NIBAN1: variants seen among roughly 807,000 people sequenced by gnomAD.
The protein encoded by NIBAN1 is protein Niban 1.
Under a neutral mutation model 75.1 loss-of-function variants are expected in NIBAN1, and 81 were observed. The observed-to-expected ratio is 1.08, with a 90% CI of 0.90 to 1.30. The LOEUF (loss-of-function observed/expected upper bound fraction) is 1.30, where lower values mean the gene tolerates loss of function less well. Among genes scored for constraint, NIBAN1 ranks in the 50% most tolerant of loss-of-function variants. The probability of loss-of-function intolerance (pLI) is 0.00; values close to 1 mark genes in which losing one functional copy is unlikely to be tolerated. For synonymous variants in NIBAN1, 436 were observed against 424.8 expected (o/e 1.03, Z -0.32); for missense variants, 1,133 against 1,128.1 (o/e 1.00, Z -0.06).
At chr1:184,949,976 T>C (rs1658321527) in intron 1 of NIBAN1, among the ~76,000 whole-genome samples, 1 of 152,190 alleles carries the variant, frequency 6.6e-6, no homozygotes, top group Non-Finnish European at 1.5e-5. Context: ...ATCATTATTA[T>C]TGAATGGATG....
intron 2 of NIBAN1, among the ~76,000 whole-genome samples, chr1:184,896,754 T>C (rs1267899463): frequency 1.3e-5 from 2 of 152,222 alleles, no homozygotes; most frequent in Non-Finnish European, 2.9e-5. Context: ...TTCATTCTTC[T>C]GCATATGACT....
At chr1:184,910,764 G>A (rs1259705217) in intron 1 of NIBAN1, among the ~76,000 whole-genome samples, 1 of 152,144 alleles carries the variant, frequency 6.6e-6, no homozygotes, top group African/African-American at 2.4e-5. Context: ...TTGAACGGGT[G>A]GACTGAGTAA....
chr1:184,878,465 C>T (rs1277501286), intron 5 of NIBAN1, among the ~76,000 whole-genome samples: 4 of 152,176 alleles, frequency 2.6e-5, no homozygotes, highest in Non-Finnish European at 5.9e-5. Context: ...TTAAACTACA[C>T]TAAACCAGTA....
chr1:184,917,756 CG>C (rs1657432780), intron 1 of NIBAN1, among the ~76,000 whole-genome samples: 1 of 152,012 alleles, frequency 6.6e-6, no homozygotes, highest in Admixed American at 6.6e-5. Flanking sequence ...TCCTTTTTCT[CG>C]GATTGCCATT....
chr1:184,893,530 C>T (rs183843975), intron 3 of NIBAN1, among the ~76,000 whole-genome samples: 6 of 152,134 alleles, frequency 3.9e-5, no homozygotes, highest in Non-Finnish European at 8.8e-5. Context: ...AAAATACCTC[C>T]ATGGAAATAA....
intron 1 of NIBAN1, among the ~76,000 whole-genome samples, chr1:184,927,975 G>T (rs1000413117): frequency 6.6e-6 from 1 of 152,010 alleles, no homozygotes; most frequent in Non-Finnish European, 1.5e-5. Flanking sequence ...ATCCAGCACA[G>T]CTCTGAGTCT....
chr1:184,795,144 C>T lies in NIBAN1; in HGVS notation c.2620G>A (p.Ala874Thr). Residue 874 changes from alanine to threonine, a missense_variant, in exon 14 of 14, where the codon GCC (alanine) becomes ACC (threonine). By Grantham distance (58) the Ala-to-Thr change is moderately conservative. Transcript: ENST00000367511. ...EMGGQSSAAQATASVNAEEIK... is the reference protein window; with the variant it reads ...EMGGQSSAAQTTASVNAEEIK... The stretch of plus-strand genomic sequence containing the variant: ...TCCTCTGCATTCACACTGGCCGTGG[C>T]CTGGGCCGCGCTGCTTTGCCCTCCC... The T allele has an allele frequency of 1.2e-6, 2 of 1,614,174 alleles. No homozygotes were observed. Among genetic ancestry groups the T allele is most frequent in the Non-Finnish European group, 1.7e-6 (2 of 1,180,050 alleles).
intron 5 of NIBAN1, among the ~76,000 whole-genome samples, chr1:184,870,693 T>C (rs1008988145): frequency 4.6e-5 from 7 of 152,168 alleles, no homozygotes; most frequent in Non-Finnish European, 7.3e-5. Flanking sequence ...ACTGCCTTAG[T>C]GACAGTTAAC....
At chr1:184,877,910 A>T in intron 5 of NIBAN1, among the ~76,000 whole-genome samples, 1 of 148,828 alleles carries the variant, frequency 6.7e-6, no homozygotes, top group South Asian at 2.1e-4. Context: ...CGAACAAAAC[A>T]ATTTTTTTTT....
At chr1:184,960,116 T>C (rs1035318003) in intron 1 of NIBAN1, among the ~76,000 whole-genome samples, 1 of 152,220 alleles carries the variant, frequency 6.6e-6, no homozygotes, top group African/African-American at 2.4e-5. Flanking sequence ...AGACAAGTTT[T>C]ATAAGCAACT....
intron 1 of NIBAN1, among the ~76,000 whole-genome samples, chr1:184,968,806 C>G (rs545057135): frequency 6.6e-6 from 1 of 152,192 alleles, no homozygotes; most frequent in Admixed American, 6.5e-5. Context: ...TTCTTTCTTT[C>G]TTTCTTTCTT....
chr1:184,899,355 T>C (rs773868433), intron 1 of NIBAN1, 46 bp from the exon 2 acceptor site: 15 of 1,593,152 alleles, frequency 9.4e-6, no homozygotes, highest in East Asian at 2.3e-5. Context: ...GCACAGAATA[T>C]ACACCTATCT....
chr1:184,971,959 T>G (rs1658947980), intron 1 of NIBAN1, among the ~76,000 whole-genome samples: 1 of 152,218 alleles, frequency 6.6e-6, no homozygotes, highest in Admixed American at 6.5e-5. Context: ...ACAATGTATT[T>G]TCAAAACATC....
At chr1:184,799,547 G>T (rs1220766125) in intron 12 of NIBAN1, among the ~76,000 whole-genome samples, 1 of 143,610 alleles carries the variant, frequency 7.0e-6, no homozygotes, top group Non-Finnish European at 1.5e-5. Flanking sequence ...TAGTCCTTTG[G>T]GTATATACCC....
In NIBAN1 at chr1:184,859,617, C is replaced by T. The variant is rs187461081; in HGVS notation, c.601+25016G>A. On this transcript the variant is annotated intron_variant, in intron 5 of 13. Transcript: ENST00000367511. ...GCAGAAGCAGAATATATCCCACTAC[C>T]TGATTTCTGTTGTAAGAGTTCTGAT... is the stretch of plus-strand genomic sequence containing the variant. 5.9e-5 allele frequency among the ~76,000 whole-genome samples: 9 copies of T among 152,280 alleles called. No homozygotes were observed. The East Asian group carries it at 1.5e-3, about 26-fold the overall frequency.
At chr1:184,829,464 C>CT (rs34475915) in intron 6 of NIBAN1, among the ~76,000 whole-genome samples, 76,748 of 128,796 alleles carry the variant, frequency 0.6, 24,755 homozygotes, top group Middle Eastern at 0.73. Context: ...TACATATATT[C>CT]TTTTTTTTTT....
At chr1:184,952,987 C>T (rs758356162) in intron 1 of NIBAN1, among the ~76,000 whole-genome samples, 1 of 152,178 alleles carries the variant, frequency 6.6e-6, no homozygotes, top group Non-Finnish European at 1.5e-5. Flanking sequence ...TTCCAACTGG[C>T]TCCAGGAATG....
At chr1:184,907,649 A>G (rs1388149044) in intron 1 of NIBAN1, among the ~76,000 whole-genome samples, 1 of 152,226 alleles carries the variant, frequency 6.6e-6, no homozygotes, top group Non-Finnish European at 1.5e-5. Flanking sequence ...AGGTGTAAAA[A>G]TCTAATTACA....
At chr1:184,907,689 T>C (rs758426015) in intron 1 of NIBAN1, among the ~76,000 whole-genome samples, 8 of 152,352 alleles carry the variant, frequency 5.3e-5, no homozygotes, top group Admixed American at 1.3e-4. Context: ...TCTCTTTTTC[T>C]TCTGGTAAAT....
Sources: allele counts gnomAD v4.1 joint callset (sites outside exome capture counted in the v4.1 genomes callset), GRCh38; gene constraint gnomAD v4.1.1; transcripts MANE v1.5; gene names NCBI Gene and HGNC (gene_info 2026-07-23, HGNC 2026-07-21).